CADPS: variants seen among roughly 807,000 people sequenced by gnomAD.
The protein encoded by CADPS is calcium-dependent secretion activator 1.
CADPS carries 57 observed loss-of-function variants against 167.3 expected under a neutral mutation model. That is an observed-to-expected ratio of 0.34 (90% CI 0.28 to 0.42). The LOEUF (loss-of-function observed/expected upper bound fraction) is 0.42. Ranked by LOEUF, CADPS falls within the 20% of genes least tolerant of loss-of-function variation. The probability of loss-of-function intolerance (pLI) is 1.00; values close to 1 mark genes in which losing one functional copy is unlikely to be tolerated. For synonymous variants in CADPS, 676 were observed against 635.3 expected (o/e 1.06, Z -0.96); for missense variants, 1,414 against 1,738.1 (o/e 0.81, Z 3.32).
At chr3:62,846,997 CATTTGA>C (rs1234286199) in intron 1 of CADPS, among the ~76,000 whole-genome samples, 12 of 152,150 alleles carry the variant, frequency 7.9e-5, no homozygotes, top group Admixed American at 2.0e-4. Context: ...GTATTAAAAA[CATTTGA>C]ATTTGAATAT....
At chr3:62,718,032 A>T (rs143173501) in intron 3 of CADPS, among the ~76,000 whole-genome samples, 11,899 of 150,516 alleles carry the variant, frequency 0.079, 606 homozygotes, top group Non-Finnish European at 0.12. Context: ...TCTTAGAGTA[A>T]TTTTTTTTTT....
intron 3 of CADPS, among the ~76,000 whole-genome samples, chr3:62,748,709 AC>A (rs139503069): frequency 6.6e-6 from 1 of 152,196 alleles, no homozygotes; most frequent in Non-Finnish European, 1.5e-5. Context: ...AAATTATCTC[AC>A]TTAAAAATTT....
chr3:62,471,220 T>C (rs1258270244), intron 24 of CADPS, among the ~76,000 whole-genome samples: 1 of 152,146 alleles, frequency 6.6e-6, no homozygotes, highest in African/African-American at 2.4e-5. Flanking sequence ...TATTCTTCTA[T>C]AAAACCAGAC....
chr3:62,808,832 C>G (rs1464709910), intron 1 of CADPS, among the ~76,000 whole-genome samples: 1 of 152,126 alleles, frequency 6.6e-6, no homozygotes, highest in Non-Finnish European at 1.5e-5. Flanking sequence ...ATGCCTCTAC[C>G]TGGATGGTGG....
intron 14 of CADPS, among the ~76,000 whole-genome samples, chr3:62,517,168 A>G (rs2151687924): frequency 6.6e-6 from 1 of 152,244 alleles, no homozygotes; most frequent in Admixed American, 6.5e-5. Flanking sequence ...TATAGTGTGT[A>G]TGATCAATAA....
chr3:62,596,390 G>A (rs1421139075), intron 6 of CADPS, among the ~76,000 whole-genome samples: 3 of 151,808 alleles, frequency 2.0e-5, no homozygotes, highest in African/African-American at 7.3e-5. Context: ...TAGAGACGGG[G>A]TTTCACCATG....
At chr3:62,687,226 C>T (rs2078215262) in intron 3 of CADPS, among the ~76,000 whole-genome samples, 1 of 152,114 alleles carries the variant, frequency 6.6e-6, no homozygotes, top group Non-Finnish European at 1.5e-5. Flanking sequence ...TTCTGGAGGG[C>T]TGATGTCACT....
chr3:62,515,906 A>C (rs1272500572), intron 16 of CADPS, among the ~76,000 whole-genome samples, 153 bp downstream of exon 16: 1 of 152,136 alleles, frequency 6.6e-6, no homozygotes, highest in Non-Finnish European at 1.5e-5. Flanking sequence ...GGCCACAGCC[A>C]AGGAAACTTC....
At chr3:62,771,239 T>G (rs867294595) in intron 1 of CADPS, among the ~76,000 whole-genome samples, 4 of 152,192 alleles carry the variant, frequency 2.6e-5, no homozygotes, top group Non-Finnish European at 2.9e-5. Context: ...ATGAGCCTAT[T>G]AAGGGCTTAA....
At chr3:62,772,137 G>A (rs180941587) in intron 1 of CADPS, among the ~76,000 whole-genome samples, 181 of 152,078 alleles carry the variant, frequency 1.2e-3, no homozygotes, top group Middle Eastern at 3.4e-3. Context: ...CATAGAGTAA[G>A]GACTCAATAA....
chr3:62,638,725 T>A (rs2066829291), intron 6 of CADPS, among the ~76,000 whole-genome samples: 1 of 152,174 alleles, frequency 6.6e-6, no homozygotes, highest in Non-Finnish European at 1.5e-5. Context: ...CCAACTAATT[T>A]CAGAAATTTC....
At position 62,455,024 on chromosome 3, in the gene CADPS, A is replaced by T. The variant is rs1009269462; in HGVS notation, c.3637-9227T>A. ...ACGCATTCTATTCCATGCTCTGATTAGGAGCCGCAGCCTCATTAACGATGA... is the reference window on the plus strand; with the variant it reads ...ACGCATTCTATTCCATGCTCTGATTTGGAGCCGCAGCCTCATTAACGATGA... On this transcript the variant is annotated intron_variant, in intron 26 of 29. Coordinates refer to ENST00000383710, the MANE Select transcript of CADPS (RefSeq NM_003716.4). This position sits in a 1 kb window ranked among gnomAD's most constrained non-coding sequence, Gnocchi z 4.4. 2.0e-5 allele frequency among the ~76,000 whole-genome samples: 3 copies of T among 152,064 alleles called. No individual in the cohort carries two copies. Among genetic ancestry groups the T allele is most frequent in the Admixed American group, 6.6e-5 (1 of 15,262 alleles).
chr3:62,630,111 G>T (rs1013699320), intron 6 of CADPS, among the ~76,000 whole-genome samples: 16 of 152,098 alleles, frequency 1.1e-4, no homozygotes, highest in African/African-American at 3.9e-4. Context: ...TGGAGACTGT[G>T]TCTGTCTTGC....
intron 3 of CADPS, among the ~76,000 whole-genome samples, chr3:62,720,059 C>A (rs2075450001): frequency 6.6e-6 from 1 of 152,134 alleles, no homozygotes; most frequent in African/African-American, 2.4e-5. Flanking sequence ...ACACAAAACA[C>A]AACAAAGAAA....
intron 6 of CADPS, among the ~76,000 whole-genome samples, chr3:62,629,970 C>T (rs1379554533): frequency 6.6e-6 from 1 of 152,128 alleles, no homozygotes; most frequent in Non-Finnish European, 1.5e-5. Flanking sequence ...TTTTTCCCAT[C>T]ACACCAGTGA....
At chr3:62,732,264 C>G (rs535053834) in intron 3 of CADPS, among the ~76,000 whole-genome samples, 29 of 152,166 alleles carry the variant, frequency 1.9e-4, no homozygotes, top group Non-Finnish European at 4.1e-4. Context: ...GTTAGAAAAG[C>G]CTGTGACTGC....
At chr3:62,546,024 T>C (rs11915020) in intron 11 of CADPS, among the ~76,000 whole-genome samples, 10,627 of 152,140 alleles carry the variant, frequency 0.07, 525 homozygotes, top group African/African-American at 0.14. Context: ...TTTGAACAAA[T>C]ATTCAAAAAC....
chr3:62,631,759 A>T (rs2065315600), intron 6 of CADPS, among the ~76,000 whole-genome samples: 1 of 152,178 alleles, frequency 6.6e-6, no homozygotes, highest in Non-Finnish European at 1.5e-5. Flanking sequence ...AAACAGCTGA[A>T]CCATATCTTA....
At chr3:62,760,772 T>C (rs540147195) in intron 2 of CADPS, among the ~76,000 whole-genome samples, 5 of 152,348 alleles carry the variant, frequency 3.3e-5, no homozygotes, top group Admixed American at 1.3e-4. Context: ...CAGTGTGACC[T>C]GATTTATACT....
Sources: allele counts gnomAD v4.1 joint callset (sites outside exome capture counted in the v4.1 genomes callset), GRCh38; gene constraint gnomAD v4.1.1; non-coding constraint Gnocchi (gnomAD v3.1); transcripts MANE v1.5; gene names NCBI Gene and HGNC (gene_info 2026-07-23, HGNC 2026-07-21).